PTBP2: variants seen among roughly 807,000 people sequenced by gnomAD.
PTBP2 encodes the protein polypyrimidine tract-binding protein 2.
In PTBP2, 13 loss-of-function variants were observed where a neutral mutation model predicts 61.4. The ratio of observed to expected loss-of-function variants is 0.21; its 90% CI spans 0.14 to 0.34. The LOEUF (loss-of-function observed/expected upper bound fraction) is 0.34. PTBP2 is among the 10% of genes least tolerant of loss of function. The probability of loss-of-function intolerance (pLI) is 1.00; values close to 1 mark genes in which losing one functional copy is unlikely to be tolerated. For missense variants in PTBP2, 405 were observed against 642.6 expected, an observed-to-expected ratio of 0.63 and a Z score of 4.00; for synonymous variants, 215 against 218.5, an observed-to-expected ratio of 0.98 and a Z score of 0.14.
At chr1:96,807,350 C>T (rs934446905) in intron 11 of PTBP2, among the ~76,000 whole-genome samples, 2 of 152,088 alleles carry the variant, frequency 1.3e-5, no homozygotes, top group Non-Finnish European at 2.9e-5. Context: ...TAAAGTCTTG[C>T]GATACCAGGT....
At chr1:96,762,521 G>A (rs1404160405) in intron 3 of PTBP2, among the ~76,000 whole-genome samples, 5 of 146,970 alleles carry the variant, frequency 3.4e-5, no homozygotes, top group African/African-American at 5.0e-5. Flanking sequence ...CCTCCCGGAC[G>A]GGGCGGCTGG....
chr1:96,798,603 G>C (rs1424753467), intron 8 of PTBP2, among the ~76,000 whole-genome samples: 1 of 152,142 alleles, frequency 6.6e-6, no homozygotes, highest in Admixed American at 6.5e-5. Context: ...CAAAATCATA[G>C]AGTAAACTCT....
At chr1:96,792,934 A>T (rs1185382113) in intron 8 of PTBP2, among the ~76,000 whole-genome samples, 4 of 152,218 alleles carry the variant, frequency 2.6e-5, no homozygotes, top group African/African-American at 9.6e-5. Context: ...AGACCAAAGT[A>T]ATCACACATA....
At position 96,812,362 on chromosome 1, in the gene PTBP2, C is replaced by T. The variant is rs1039381370; in HGVS notation, c.1172-350C>T. On this transcript the variant is annotated intron_variant, in intron 11 of 13. Coordinates refer to ENST00000674951, the MANE Select transcript of PTBP2 (RefSeq NM_021190.4). Reference sequence around the variant, plus strand: ...GGGACAATTAGGAGGAAGGCTATCACAATATTTAGCAATTAGGATGTGTAA... The same window carrying T: ...GGGACAATTAGGAGGAAGGCTATCATAATATTTAGCAATTAGGATGTGTAA... 3.3e-5 allele frequency among the ~76,000 whole-genome samples: 5 copies of T among 152,098 alleles called. No individual in the cohort carries two copies. In the South Asian group the frequency reaches 1.0e-3, roughly 32 times the overall value.
intron 2 of PTBP2, among the ~76,000 whole-genome samples, chr1:96,746,604 A>G (rs916565695): frequency 6.6e-6 from 1 of 150,732 alleles, no homozygotes; most frequent in African/African-American, 2.4e-5. Context: ...GGGAGGCTGA[A>G]GGAGGAGGAT....
In PTBP2 at chr1:96,760,699, C is replaced by T. The variant is rs548489470; in HGVS notation, c.116-9004C>T. Among the ~76,000 whole-genome samples the T allele has an allele frequency of 9.2e-5, 14 of 152,202 alleles. No homozygotes were observed. In the South Asian group the frequency reaches 2.9e-3, roughly 32 times the overall value. The stretch of plus-strand genomic sequence containing the variant: ...TGACGTTGTGATCTGCCCACGTCGG[C>T]CTCCCAGAGTGCTGGGATTACAGGC... On this transcript the variant is annotated intron_variant, in intron 3 of 13. Coordinates refer to ENST00000674951, the MANE Select transcript of PTBP2 (RefSeq NM_021190.4).
exon 14 of PTBP2, chr1:96,820,055 T>G (rs1433165166): frequency 6.6e-6 from 1 of 152,018 alleles, no homozygotes; most frequent in Admixed American, 6.6e-5. Context: ...ACTTTTACTC[T>G]GGAAAAAGCA....
chr1:96,777,031 G>A (rs576032448), intron 5 of PTBP2, among the ~76,000 whole-genome samples: 1 of 152,116 alleles, frequency 6.6e-6, no homozygotes, highest in South Asian at 2.1e-4. Flanking sequence ...TGAGAATTTT[G>A]TGGTTTTGGA....
Position 96,820,133 on chromosome 1 carries a change from CATA to C in PTBP2, c.*6729_*6731del, listed in dbSNP as rs766929938. ...ATCTGTAAAATGGAGAGAATTACTT[CATA>C]TGTTCACTTATAAGGATTATGTGAA... On this transcript the variant is annotated 3_prime_UTR_variant, in exon 14 of 14. Coordinates refer to the PTBP2 transcript ENST00000609116. 4 of 152,054 alleles carry C rather than the reference CATA, an allele frequency of 2.6e-5. No individual in the cohort carries two copies. The East Asian group carries it at 5.8e-4, about 22-fold the overall frequency. The allele number at this position is 152,054 out of a possible 1,614,324, so 9.4% of individuals were successfully genotyped here. A position where few individuals can be genotyped will look rare whatever the true frequency, so the allele number is the denominator to read the frequency against.
At chr1:96,740,173 A>T (rs1652812005) in intron 2 of PTBP2, among the ~76,000 whole-genome samples, 1 of 152,174 alleles carries the variant, frequency 6.6e-6, no homozygotes, top group African/African-American at 2.4e-5. Context: ...CCTGTGTCAT[A>T]ACTCAGACTT....
intron 3 of PTBP2, among the ~76,000 whole-genome samples, chr1:96,763,323 T>C (rs1033011924): frequency 6.6e-6 from 1 of 151,964 alleles, no homozygotes; most frequent in Non-Finnish European, 1.5e-5. Flanking sequence ...CGTCTGCAAT[T>C]CCGGCACCTC....
intron 7 of PTBP2, among the ~76,000 whole-genome samples, chr1:96,782,555 C>T (rs1658795559): frequency 6.6e-6 from 1 of 151,960 alleles, no homozygotes; most frequent in Admixed American, 6.6e-5. Flanking sequence ...GAAAATCCTG[C>T]ATAATCTACC....
At chr1:96,730,030 A>T (rs990680488) in intron 2 of PTBP2, among the ~76,000 whole-genome samples, 4 of 152,104 alleles carry the variant, frequency 2.6e-5, no homozygotes, top group Admixed American at 6.6e-5. Flanking sequence ...CCCAGCCATG[A>T]TACTACATTT....
At chr1:96,799,883 A>G (rs1161976552) in intron 8 of PTBP2, among the ~76,000 whole-genome samples, 1 of 152,224 alleles carries the variant, frequency 6.6e-6, no homozygotes, top group Non-Finnish European at 1.5e-5. Flanking sequence ...TACCTGATTG[A>G]CAAAGTAGTT....
chr1:96,783,455 T>C (rs1243410248), intron 7 of PTBP2, among the ~76,000 whole-genome samples: 1 of 152,062 alleles, frequency 6.6e-6, no homozygotes, highest in East Asian at 1.9e-4. Flanking sequence ...TTAGATAATT[T>C]GGCAGTCGGA....
chr1:96,816,746 T>C (rs1339492442), downstream of PTBP2: 2 of 152,236 alleles, frequency 1.3e-5, no homozygotes, highest in Admixed American at 6.5e-5. Context: ...AAAGGACAAA[T>C]CACTTTTCAA....
At chr1:96,763,542 C>T (rs1025433902) in intron 3 of PTBP2, among the ~76,000 whole-genome samples, 5 of 140,766 alleles carry the variant, frequency 3.6e-5, no homozygotes, top group South Asian at 2.6e-4. Flanking sequence ...AGTCCAGCTT[C>T]GGCTCGTCAT....
intron 3 of PTBP2, among the ~76,000 whole-genome samples, chr1:96,761,650 C>T (rs1375021491): frequency 1.3e-5 from 2 of 151,684 alleles, no homozygotes; most frequent in Non-Finnish European, 1.5e-5. Context: ...AAGATGATGC[C>T]ATTAACAAAG....
At chr1:96,812,179 G>GTAT (rs1352206182) in intron 11 of PTBP2, among the ~76,000 whole-genome samples, 1 of 152,164 alleles carries the variant, frequency 6.6e-6, no homozygotes, top group African/African-American at 2.4e-5. Context: ...TTTTAAGCAG[G>GTAT]TATTGACGTG....
Sources: gnomAD v4.1 joint callset for allele counts (sites outside exome capture counted in the v4.1 genomes callset) on GRCh38, gnomAD v4.1.1 for gene constraint, MANE v1.5 for transcripts, NCBI Gene and HGNC (gene_info 2026-07-23, HGNC 2026-07-21) for gene names.